Variants in CSMD1 observed in about 807,000 individuals in gnomAD.
CSMD1 encodes CUB and sushi domain-containing protein 1.
In CSMD1, 213 loss-of-function variants were observed where a neutral mutation model predicts 417.5. That is an observed-to-expected ratio of 0.51 (90% CI 0.46 to 0.57). The LOEUF (loss-of-function observed/expected upper bound fraction) is 0.57. Among genes scored for constraint, CSMD1 ranks in the 20% least tolerant of loss-of-function variants. The pLI, the probability that CSMD1 is intolerant of heterozygous loss-of-function variation, is 0.00. For missense variants in CSMD1, 6,923 were observed against 4,529.7 expected (o/e 1.53, Z -15.17); for synonymous variants, 2,862 against 1,736.8 (o/e 1.65, Z -16.11).
chr8:3,350,797 A>G (rs777214875), intron 21 of CSMD1, among the ~76,000 whole-genome samples: 1 of 152,196 alleles, frequency 6.6e-6, no homozygotes, highest in East Asian at 1.9e-4. Flanking sequence ...AAAAAAATCT[A>G]AACCAAAAGA....
At chr8:4,505,827 G>C (rs1299660024) in intron 2 of CSMD1, among the ~76,000 whole-genome samples, 1 of 151,148 alleles carries the variant, frequency 6.6e-6, no homozygotes, top group South Asian at 2.1e-4. Flanking sequence ...TTTAGATAGA[G>C]TCTCACTCTG....
At chr8:4,343,352 A>T (rs1800588579) in intron 3 of CSMD1, among the ~76,000 whole-genome samples, 1 of 152,084 alleles carries the variant, frequency 6.6e-6, no homozygotes, top group African/African-American at 2.4e-5. Flanking sequence ...GATCTAATAT[A>T]GAACAGTGTG....
intron 51 of CSMD1, among the ~76,000 whole-genome samples, chr8:3,018,876 C>G (rs1025576026): frequency 1.3e-5 from 2 of 152,112 alleles, no homozygotes; most frequent in African/African-American, 4.8e-5. Context: ...AAAAGCTTAA[C>G]GTGGATTCCA....
chr8:4,442,221 A>G (rs1798523904), intron 2 of CSMD1, among the ~76,000 whole-genome samples: 1 of 152,216 alleles, frequency 6.6e-6, no homozygotes. Flanking sequence ...ACATGATGTC[A>G]TACACAGTGC....
At chr8:4,851,735 ACTT>A (rs750359328) in intron 1 of CSMD1, among the ~76,000 whole-genome samples, 10 of 152,102 alleles carry the variant, frequency 6.6e-5, no homozygotes, top group Non-Finnish European at 1.2e-4. Context: ...GAACCTTAAG[ACTT>A]CTTCTTCTTC....
intron 1 of CSMD1, among the ~76,000 whole-genome samples, chr8:4,711,826 G>A (rs1043281982): frequency 6.6e-6 from 1 of 152,130 alleles, no homozygotes; most frequent in East Asian, 1.9e-4. Context: ...CCCGAACCAA[G>A]TAGTTTTCTT....
chr8:4,170,392 C>T (rs34186215), intron 3 of CSMD1, among the ~76,000 whole-genome samples: 4,287 of 151,978 alleles, frequency 0.028, 95 homozygotes, highest in Non-Finnish European at 0.044. Context: ...TCAAGAGCCA[C>T]CTGTGAAAAG....
chr8:4,007,538 TC>T (rs1266856233), intron 4 of CSMD1, among the ~76,000 whole-genome samples: 2 of 151,810 alleles, frequency 1.3e-5, no homozygotes, highest in African/African-American at 4.8e-5. Flanking sequence ...CTAGATTGCT[TC>T]CCACCTCTCC....
At chr8:3,617,771 G>C (rs1045650787) in intron 7 of CSMD1, among the ~76,000 whole-genome samples, 2 of 152,076 alleles carry the variant, frequency 1.3e-5, no homozygotes, top group African/African-American at 4.8e-5. Context: ...GAGCAATGTC[G>C]CAATTCTGAA....
At chr8:4,715,621 C>T (rs929923887) in intron 1 of CSMD1, among the ~76,000 whole-genome samples, 1 of 152,134 alleles carries the variant, frequency 6.6e-6, no homozygotes, top group African/African-American at 2.4e-5. Flanking sequence ...CAAAAATGAT[C>T]TCCTGATTTT....
At chr8:3,839,497 AATAT>A (rs911732876) in intron 5 of CSMD1, among the ~76,000 whole-genome samples, 4 of 59,620 alleles carry the variant, frequency 6.7e-5, no homozygotes, top group East Asian at 1.6e-3. Context: ...TTTATATATT[AATAT>A]ATATATTTAT....
chr8:3,301,301 A>T (rs1804385894), intron 25 of CSMD1, among the ~76,000 whole-genome samples: 1 of 152,090 alleles, frequency 6.6e-6, no homozygotes, highest in Non-Finnish European at 1.5e-5. Context: ...CCAGCGAAGG[A>T]ACCAGGTGGT....
intron 11 of CSMD1, among the ~76,000 whole-genome samples, chr8:3,491,974 C>T (rs10093733): frequency 6.6e-6 from 1 of 152,156 alleles, no homozygotes; most frequent in African/African-American, 2.4e-5. Context: ...GGCCTCCACC[C>T]AATTTATTGG....
chr8:3,331,598 G>C (rs1466861273), intron 23 of CSMD1, among the ~76,000 whole-genome samples: 1 of 152,152 alleles, frequency 6.6e-6, no homozygotes, highest in Non-Finnish European at 1.5e-5. Flanking sequence ...GGGCTACTTT[G>C]GAGATAAAAT....
At chr8:4,243,148 AGAG>A (rs1802500877) in intron 3 of CSMD1, among the ~76,000 whole-genome samples, 1 of 152,010 alleles carries the variant, frequency 6.6e-6, no homozygotes, top group Non-Finnish European at 1.5e-5. Flanking sequence ...TGGAAAAAGG[AGAG>A]GAGGGAGAGT....
At chr8:4,022,245 C>G (rs1464495087) in intron 4 of CSMD1, among the ~76,000 whole-genome samples, 1 of 149,704 alleles carries the variant, frequency 6.7e-6, no homozygotes, top group Admixed American at 6.7e-5. Flanking sequence ...CTATTTTGGT[C>G]TATGCCTCAC....
chr8:4,202,076 C>G (rs771069869), intron 3 of CSMD1, among the ~76,000 whole-genome samples: 1 of 142,950 alleles, frequency 7.0e-6, no homozygotes. Context: ...GCTTGCCTCT[C>G]AGTTTAAGAG....
At chr8:4,910,033 T>A (rs760348785) in intron 1 of CSMD1, among the ~76,000 whole-genome samples, 11 of 152,256 alleles carry the variant, frequency 7.2e-5, no homozygotes, top group African/African-American at 1.9e-4. Flanking sequence ...GAATAACCAA[T>A]AGCATGTCAG....
At chr8:4,565,125 G>A (rs1465238528) in intron 2 of CSMD1, among the ~76,000 whole-genome samples, 1 of 152,182 alleles carries the variant, frequency 6.6e-6, no homozygotes, top group Non-Finnish European at 1.5e-5. Flanking sequence ...TTTATTAGAA[G>A]TACAGCTTCT....
Sources: allele counts gnomAD v4.1 joint callset (sites outside exome capture counted in the v4.1 genomes callset), GRCh38; gene constraint gnomAD v4.1.1; transcripts MANE v1.5; gene names NCBI Gene and HGNC (gene_info 2026-07-23, HGNC 2026-07-21).